The following NYX variants were observed in gnomAD, a reference collection of about 807,000 sequenced individuals.
NYX encodes the protein nyctalopin, also known as leucine-rich repeat protein.
For missense variants in NYX, 481 were observed against 485.4 expected (o/e 0.99, Z 0.09); for synonymous variants, 258 against 245.7 (o/e 1.05, Z -0.47).
chrX:41,469,496 G>GA (rs1400552172), intron 2 of NYX, among the ~76,000 whole-genome samples: 2 of 110,321 alleles, frequency 1.8e-5, no homozygotes, highest in African/African-American at 6.6e-5. Context: ...CCTCAAGATT[G>GA]GGCTTGGGGC....
chrX:41,448,344 G>A (rs1346189659), intron 2 of NYX, among the ~76,000 whole-genome samples: 6 of 109,901 alleles, frequency 5.5e-5, no homozygotes, highest in Middle Eastern at 4.6e-3. Flanking sequence ...CCGGGTTCAC[G>A]CCATTCTCCT....
At position 41,474,450 on chromosome X, in the gene NYX, C is replaced by T; in HGVS notation, c.982C>T (p.Leu328Phe). Residue 328 changes from leucine to phenylalanine, a missense_variant, in exon 3 of 3, where the codon CTC (leucine) becomes TTC (phenylalanine). Physicochemically the swap from Leu to Phe is conservative, Grantham distance 22. Coordinates refer to ENST00000378220, the MANE Select transcript of NYX (RefSeq NM_001378477.3). ...CGGCTTCTTCCTGGGCCGCCTCTTCCTCTTCCGCAACCCGTGGTGCTGCGA... is the reference window on the plus strand; with the variant it reads ...CGGCTTCTTCCTGGGCCGCCTCTTCTTCTTCCGCAACCCGTGGTGCTGCGA... Reference protein sequence around the residue: ...QPGFFLGRLFLFRNPWCCDCR... With the variant: ...QPGFFLGRLFFFRNPWCCDCR... 3.3e-6 allele frequency: 4 copies of T among 1,209,191 alleles called. No homozygotes were observed. Among genetic ancestry groups the T allele is most frequent in the Non-Finnish European group, 4.5e-6 (4 of 895,486 alleles).
chrX:41,453,225 T>G (rs1228421335), intron 2 of NYX, among the ~76,000 whole-genome samples: 1 of 111,561 alleles, frequency 9.0e-6, no homozygotes, highest in Non-Finnish European at 1.9e-5. Flanking sequence ...AAAGAGAAAC[T>G]GCTCAGATGG....
chrX:41,468,622 C>G (rs2064348924), intron 2 of NYX, among the ~76,000 whole-genome samples: 2 of 112,015 alleles, frequency 1.8e-5, no homozygotes, highest in Admixed American at 9.5e-5. Context: ...TGGAGGAATC[C>G]TTGCATAGGA....
rs1445471440 is a variant in NYX at position 41,473,826 on chromosome X, T to C, written c.358T>C (p.Tyr120His). ...CCTGGCGCACAACGGCGACCTGCGC[T>C]ACCTGCACGCGCGCACCTTCGCGGC... Reference protein sequence around the residue: ...LRLAHNGDLRYLHARTFAALS... With the variant: ...LRLAHNGDLRHLHARTFAALS... The change falls in exon 3 of 3, where the codon TAC becomes CAC. Residue 120 changes from tyrosine (Y) to histidine (H), a missense_variant. Physicochemically the swap from Tyr to His is moderately conservative, Grantham distance 83. Coordinates refer to ENST00000378220, the MANE Select transcript of NYX (RefSeq NM_001378477.3). The C allele has an allele frequency of 9.0e-7, 1 of 1,112,205 alleles. No individual in the cohort carries two copies. The highest frequency in any genetic ancestry group is 2.5e-4 in the Middle Eastern group (1 of 4,051). The allele number at this position is 1,112,205 out of a possible 1,213,427, so 91.7% of individuals were successfully genotyped here.
In NYX at chrX:41,447,618, C is replaced by G. The variant is rs1041749487; in HGVS notation, c.-57+102C>G. On this transcript the variant is annotated intron_variant, in intron 1 of 2. Coordinates refer to ENST00000378220, the MANE Select transcript of NYX (RefSeq NM_001378477.3). ...TCAGTGATGCCATCTGAGTTGCTGT[C>G]AGGGCTGTAGCCTGACAAAGGGTTT... The G allele has an allele frequency of 1.3e-5, 5 of 399,644 alleles. No individual in the cohort carries two copies. The African/African-American group carries it at 1.3e-4, about 10-fold the overall frequency. 32.9% of individuals were successfully genotyped at this position (399,644 alleles called of 1,213,427 possible).
chrX:41,456,140 C>T (rs1403577718), intron 2 of NYX, among the ~76,000 whole-genome samples: 6 of 111,300 alleles, frequency 5.4e-5, no homozygotes, highest in African/African-American at 2.0e-4. Context: ...GGTTCAAGAC[C>T]AGCCTGATCA....
At chrX:41,448,557 CTTTTCTTTTT>C (rs2064267378) in intron 2 of NYX, among the ~76,000 whole-genome samples, 1 of 96,260 alleles carries the variant, frequency 1.0e-5, no homozygotes, top group Non-Finnish European at 2.1e-5. Flanking sequence ...CTTTTCTTTT[CTTTTCTTTTT>C]TTTTTTTTTT....
intron 2 of NYX, among the ~76,000 whole-genome samples, chrX:41,450,946 A>G (rs1240965133): frequency 1.9e-5 from 2 of 103,431 alleles, no homozygotes; most frequent in South Asian, 4.4e-4. Context: ...TCGGCCTCCC[A>G]AAGTGCTGGG....
chrX:41,472,959 C>T (rs986776397), intron 2 of NYX, among the ~76,000 whole-genome samples: 1 of 111,278 alleles, frequency 9.0e-6, no homozygotes, highest in Non-Finnish European at 1.9e-5. Context: ...TCACCACGCC[C>T]GGCTAATTTT....
chrX:41,451,311 A>G (rs2064279247), intron 2 of NYX, among the ~76,000 whole-genome samples: 1 of 111,875 alleles, frequency 8.9e-6, no homozygotes, highest in Non-Finnish European at 1.9e-5. Context: ...TCCTAGATAA[A>G]TGAGAAACAA....
chrX:41,473,817 G>T lies in NYX; in HGVS notation c.349G>T (p.Asp117Tyr), dbSNP rs1386006162. 1.8e-6 allele frequency: 2 copies of T among 1,115,234 alleles called. No homozygotes were observed. The highest frequency in any genetic ancestry group is 1.9e-5 in the African/African-American group (1 of 52,617). 91.9% of individuals were successfully genotyped at this position (1,115,234 alleles called of 1,213,427 possible). Residue 117 changes from aspartate to tyrosine, a missense_variant, in exon 3 of 3, where the codon GAC becomes TAC. Asp to Tyr is a radical substitution (Grantham distance 160, BLOSUM62 -3). Transcript: ENST00000378220. ...TGAGCTGCGCCTGGCGCACAACGGC[G>T]ACCTGCGCTACCTGCACGCGCGCAC... ...LAELRLAHNG[D>Y]LRYLHARTFA...
intron 2 of NYX, among the ~76,000 whole-genome samples, chrX:41,471,447 T>A (rs1175191547): frequency 1.8e-5 from 2 of 112,350 alleles, no homozygotes; most frequent in Non-Finnish European, 3.8e-5. Flanking sequence ...CATGTCTACG[T>A]GTAAGTGTGC....
At chrX:41,463,819 C>A (rs763572653) in intron 2 of NYX, among the ~76,000 whole-genome samples, 2 of 111,422 alleles carry the variant, frequency 1.8e-5, no homozygotes, top group Non-Finnish European at 3.8e-5. Flanking sequence ...TCCACCCCCC[C>A]ATCGGCCTCC....
chrX:41,454,643 G>A (rs1312398857), intron 2 of NYX, among the ~76,000 whole-genome samples: 1 of 109,062 alleles, frequency 9.2e-6, no homozygotes, highest in African/African-American at 3.3e-5. Context: ...CTCTCACTCT[G>A]TCACCTAGGC....
chrX:41,474,969 AATGG>A lies in NYX; in HGVS notation c.*72_*75del. ...TTTGTGGTAAGGGGAGAGGAGCCGGAATGGAGGGCAGAGGTGAAAATCCCAGTGG... is the reference window on the plus strand; with the variant it reads ...TTTGTGGTAAGGGGAGAGGAGCCGGAAGGGCAGAGGTGAAAATCCCAGTGG... On this transcript the variant is annotated 3_prime_UTR_variant, in exon 3 of 3. Coordinates refer to ENST00000378220, the MANE Select transcript of NYX (RefSeq NM_001378477.3). 5 of 969,896 alleles carry A rather than the reference AATGG, an allele frequency of 5.2e-6. No homozygotes were observed. The highest frequency in any genetic ancestry group is 7.2e-6 in the Non-Finnish European group (5 of 694,540). 79.9% of individuals were successfully genotyped at this position (969,896 alleles called of 1,213,427 possible). A position where few individuals can be genotyped will look rare whatever the true frequency, so the allele number is the denominator to read the frequency against.
chrX:41,468,294 T>G (rs951944470), intron 2 of NYX, among the ~76,000 whole-genome samples: 18 of 101,865 alleles, frequency 1.8e-4, no homozygotes, highest in Non-Finnish European at 2.6e-4. Context: ...CAAATAATTT[T>G]TTTTTTTTTT....
intron 2 of NYX, among the ~76,000 whole-genome samples, chrX:41,458,136 G>A (rs1024456265): frequency 3.6e-5 from 4 of 111,140 alleles, no homozygotes; most frequent in African/African-American, 1.3e-4. Flanking sequence ...CTTCATGAGA[G>A]CAGAGGCCTC....
At chrX:41,451,096 G>C (rs970025134) in intron 2 of NYX, among the ~76,000 whole-genome samples, 2 of 110,417 alleles carry the variant, frequency 1.8e-5, no homozygotes, top group African/African-American at 6.6e-5. Flanking sequence ...GCCTCCCAAA[G>C]TGCTGGGATT....
Sources: gnomAD v4.1 joint callset for allele counts (sites outside exome capture counted in the v4.1 genomes callset) on GRCh38, gnomAD v4.1.1 for gene constraint, MANE v1.5 for transcripts, NCBI Gene and HGNC (gene_info 2026-07-23, HGNC 2026-07-21) for gene names.